LAMC1: variants seen among roughly 807,000 people sequenced by gnomAD.
LAMC1 encodes the protein laminin subunit gamma 1.
LAMC1 carries 38 observed loss-of-function variants against 173.6 expected under a neutral mutation model. The ratio of observed to expected loss-of-function variants is 0.22; its 90% confidence interval spans 0.17 to 0.29. LAMC1 has a LOEUF of 0.29. LAMC1 is among the 10% of genes least tolerant of loss of function. The pLI, the probability that LAMC1 is intolerant of heterozygous loss-of-function variation, is 1.00. For synonymous variants in LAMC1, 746 were observed against 749.1 expected (o/e 1.00, Z 0.07); for missense variants, 1,824 against 2,051.8 (o/e 0.89, Z 2.14).
rs766398357 is a variant in LAMC1, at chr1:183,140,488, C to T, written c.4558C>T (p.Leu1520Phe). Residue 1520 changes from leucine (L) to phenylalanine (F), a missense_variant, in exon 27 of 28, where the codon CTC (leucine) becomes TTC (phenylalanine). Leu to Phe is a conservative substitution (Grantham distance 22). Coordinates refer to ENST00000258341, the MANE Select transcript of LAMC1 (RefSeq NM_002293.4). ...VTSLLSIIND[L>F]LEQLGQLDTV... ...TAGCCTCCTCAGCATTATTAATGACCTCTTGGAGCAGCTGGGTACGTAGCC... is the reference window on the plus strand; with the variant it reads ...TAGCCTCCTCAGCATTATTAATGACTTCTTGGAGCAGCTGGGTACGTAGCC... 7.4e-6 allele frequency: 12 copies of T among 1,612,078 alleles called. No homozygotes were observed. The highest frequency in any genetic ancestry group is 1.0e-5 in the Non-Finnish European group (12 of 1,178,566).
rs1653601555 is a variant in LAMC1, at chr1:183,023,773, C to A, written c.57C>A (p.Pro19=). Residue 19 remains proline (P), a synonymous_variant, in exon 1 of 28, where the codon CCC becomes CCA. Transcript: ENST00000258341. ...TGCGGCCCCGGGGGCGGCTCTGGCC[C>A]GTGCTGGCCGTGCTGGCGGCGGCCG... ...PALRPRGRLW[P]VLAVLAAAAA... 4.2e-6 allele frequency: 6 copies of A among 1,431,058 alleles called. No homozygotes were observed. The highest frequency in any genetic ancestry group is 3.1e-5 in the Admixed American group (1 of 32,484). 88.6% of individuals were successfully genotyped at this position (1,431,058 alleles called of 1,614,324 possible).
rs73036978 is a variant in LAMC1 at position 183,143,050 on chromosome 1, G to C, written c.*260G>C. On this transcript the variant is annotated 3_prime_UTR_variant, in exon 28 of 28. Transcript: ENST00000258341. ...ACCCACACTTTCCCTTCTGATTTGCGTGAGGACGTGGCATCCTACGTTACT... is the reference window on the plus strand; with the variant it reads ...ACCCACACTTTCCCTTCTGATTTGCCTGAGGACGTGGCATCCTACGTTACT... The C allele has an allele frequency of 1.7e-5, 7 of 407,168 alleles. No homozygotes were observed. Among genetic ancestry groups the C allele is most frequent in the South Asian group, 1.4e-4 (5 of 36,880 alleles). The allele number at this position is 407,168 out of a possible 1,614,324, so 25.2% of individuals were successfully genotyped here.
intron 4 of LAMC1, 144 bp downstream of exon 4, chr1:183,110,798 CAG>C (rs1656127168): frequency 3.6e-6 from 3 of 839,994 alleles, no homozygotes; most frequent in Non-Finnish European, 5.6e-6. Flanking sequence ...GTATTCAAGT[CAG>C]AGGAAAGTCA....
intron 1 of LAMC1, among the ~76,000 whole-genome samples, chr1:183,026,584 C>T (rs184209584): frequency 1.3e-5 from 2 of 152,272 alleles, no homozygotes; most frequent in Admixed American, 6.5e-5. Context: ...ATTAAAGTAC[C>T]GTGACTGTTT....
intron 1 of LAMC1, among the ~76,000 whole-genome samples, chr1:183,041,199 A>G (rs1469011626): frequency 6.6e-6 from 1 of 152,222 alleles, no homozygotes; most frequent in African/African-American, 2.4e-5. Flanking sequence ...TGTCAGGCTT[A>G]ATTAATGGAA....
chr1:183,025,788 A>G lies in LAMC1; in HGVS notation c.418+1654A>G, dbSNP rs576760870. 1.5e-4 allele frequency among the ~76,000 whole-genome samples: 23 copies of G among 152,356 alleles called. No individual in the cohort carries two copies. In the South Asian group the frequency reaches 4.8e-3, roughly 32 times the overall value. On this transcript the variant is annotated intron_variant, in intron 1 of 27. Transcript: ENST00000258341. Reference sequence around the variant, plus strand: ...CGTTGCCTGATGTCTGAAATCTCAGATGCCTGAAATTCAATTGACAATTAC... The same window carrying G: ...CGTTGCCTGATGTCTGAAATCTCAGGTGCCTGAAATTCAATTGACAATTAC...
chr1:183,073,782 A>G (rs1460326669), intron 1 of LAMC1, among the ~76,000 whole-genome samples: 1 of 152,196 alleles, frequency 6.6e-6, no homozygotes, highest in African/African-American at 2.4e-5. Flanking sequence ...CTATAAATGA[A>G]AGAAAACCTA....
At chr1:183,033,885 G>A (rs1337824610) in intron 1 of LAMC1, among the ~76,000 whole-genome samples, 3 of 151,988 alleles carry the variant, frequency 2.0e-5, no homozygotes, top group Non-Finnish European at 4.4e-5. Flanking sequence ...TTTTAGTAGA[G>A]ATCGGGTTTC....
chr1:183,034,589 T>C lies in LAMC1; in HGVS notation c.418+10455T>C, dbSNP rs148161515. On this transcript the variant is annotated intron_variant, in intron 1 of 27. Coordinates refer to ENST00000258341, the MANE Select transcript of LAMC1 (RefSeq NM_002293.4). Reference sequence around the variant, plus strand: ...CCCAGCCCAGTTGAAACTTTTTAAATTGTTAGGAGAATACCTACAGAGCAT... The same window carrying C: ...CCCAGCCCAGTTGAAACTTTTTAAACTGTTAGGAGAATACCTACAGAGCAT... Among the ~76,000 whole-genome samples the C allele has an allele frequency of 1.0e-3, 155 of 152,292 alleles. 1 individual carries two copies. The highest frequency in any genetic ancestry group is 3.5e-3 in the African/African-American group (146 of 41,570).
intron 1 of LAMC1, among the ~76,000 whole-genome samples, chr1:183,092,718 A>G (rs548241831): frequency 6.6e-6 from 1 of 152,292 alleles, no homozygotes; most frequent in South Asian, 2.1e-4. Context: ...AATGTATATT[A>G]TGCCTTTTCT....
chr1:183,125,055 G>A (rs2102094992), intron 14 of LAMC1, 179 bp downstream of exon 14: 1 of 757,860 alleles, frequency 1.3e-6, no homozygotes, highest in East Asian at 2.7e-5. Context: ...GACAGTCATG[G>A]TGGCTGACAC....
intron 1 of LAMC1, among the ~76,000 whole-genome samples, chr1:183,029,916 G>C (rs551980554): frequency 3.0e-4 from 45 of 152,268 alleles, no homozygotes; most frequent in African/African-American, 1.1e-3. Context: ...CTCATTCTTA[G>C]ATGAGGTGTA....
In LAMC1 at chr1:183,083,677, CA is replaced by C. The variant is rs1308959949; in HGVS notation, c.419-19650del. Among the ~76,000 whole-genome samples the C allele has an allele frequency of 2.6e-5, 4 of 152,246 alleles. No homozygotes were observed. In the East Asian group the frequency reaches 7.7e-4, roughly 29 times the overall value. Reference sequence around the variant, plus strand: ...AAAATTTTAATATAGGTGAAATAATCAGATGTATATTTAAAATATTTATTCA... The same window carrying C: ...AAAATTTTAATATAGGTGAAATAATCGATGTATATTTAAAATATTTATTCA... On this transcript the variant is annotated intron_variant, in intron 1 of 27. Transcript: ENST00000258341.
chr1:183,132,521 G>A lies in LAMC1; in HGVS notation c.3688G>A (p.Glu1230Lys). Reference sequence around the variant, plus strand: ...AGAAAATCAAACAGCATTTGAGATTGAAGAGCTTAATAGGAAGTGAGTATA... The same window carrying A: ...AGAAAATCAAACAGCATTTGAGATTAAAGAGCTTAATAGGAAGTGAGTATA... ...AGENQTAFEI[E>K]ELNRKYEQAK... The change falls in exon 21 of 28, where the codon GAA (glutamate) becomes AAA (lysine). Residue 1230 changes from glutamate to lysine, a missense_variant. By Grantham distance (56) the Glu-to-Lys change is moderately conservative (BLOSUM62 1). Transcript: ENST00000258341. The A allele has an allele frequency of 6.2e-7, 1 of 1,613,860 alleles. No individual in the cohort carries two copies. The highest frequency in any genetic ancestry group is 8.5e-7 in the Non-Finnish European group (1 of 1,179,806).
chr1:183,066,809 G>C (rs1012340120), intron 1 of LAMC1, among the ~76,000 whole-genome samples: 1 of 152,144 alleles, frequency 6.6e-6, no homozygotes. Flanking sequence ...CTTTCAGGGG[G>C]TTGGGGGCTA....
chr1:183,118,208 A>G (rs1275923220), intron 11 of LAMC1, 62 bp downstream of exon 11: 3 of 971,626 alleles, frequency 3.1e-6, no homozygotes, highest in Non-Finnish European at 4.9e-6. Flanking sequence ...AAGATTCATG[A>G]TAATGCAAAA....
chr1:183,125,571 G>C lies in LAMC1; in HGVS notation c.2801+21G>C, dbSNP rs1476405874. ...GAGAGGTGAGACATAGGTGCCTTTG[G>C]TGAAAGTAATCTTTGCTTTTTCTGT... On this transcript the variant is annotated intron_variant, in intron 15 of 27. Transcript: ENST00000258341. 8.6e-6 allele frequency: 13 copies of C among 1,508,570 alleles called. No individual in the cohort carries two copies. The East Asian group carries it at 3.0e-4, about 35-fold the overall frequency. 93.4% of individuals were successfully genotyped at this position (1,508,570 alleles called of 1,614,324 possible).
At chr1:183,127,036 G>A (rs780661182) in intron 16 of LAMC1, among the ~76,000 whole-genome samples, 190 bp from the exon 17 acceptor site, 30 of 152,112 alleles carry the variant, frequency 2.0e-4, no homozygotes, top group Non-Finnish European at 3.2e-4. Context: ...AGCTCATTTT[G>A]ACTTTTAAAA....
chr1:183,135,218 A>G (rs1263533115), intron 24 of LAMC1, 62 bp downstream of exon 24: 3 of 957,954 alleles, frequency 3.1e-6, no homozygotes, highest in East Asian at 5.2e-5. Flanking sequence ...TTTTTTTTTA[A>G]TCATGACTTT....
Sources: gnomAD v4.1 joint callset for allele counts (sites outside exome capture counted in the v4.1 genomes callset) on GRCh38, gnomAD v4.1.1 for gene constraint, MANE v1.5 for transcripts, NCBI Gene and HGNC (gene_info 2026-07-23, HGNC 2026-07-21) for gene names.